The following GPC1 variants were observed in gnomAD, a reference collection of about 807,000 sequenced individuals.
The protein encoded by GPC1 is glypican-1.
GPC1 carries 26 observed loss-of-function variants against 51.5 expected under a neutral mutation model. The observed-to-expected ratio is 0.50, with a 90% CI of 0.37 to 0.70. The LOEUF is 0.70. Ranked by LOEUF, GPC1 falls within the 30% of genes least tolerant of loss-of-function variation. The pLI, the probability that GPC1 is intolerant of heterozygous loss-of-function variation, is 0.00. For missense variants in GPC1, 775 were observed against 800.5 expected, an observed-to-expected ratio of 0.97 and a Z score of 0.38; for synonymous variants, 380 against 348.3, an observed-to-expected ratio of 1.09 and a Z score of -1.01.
Position 240,466,269 on chromosome 2 carries a change from A to C in GPC1, c.1656A>C (p.Val552=). Residue 552 remains valine (V), a synonymous_variant, in exon 9 of 9, where the codon GTA becomes GTC. Coordinates refer to ENST00000264039, the MANE Select transcript of GPC1 (RefSeq NM_002081.3). ...LPLLLFLALT[V]ARPRWR ...TCCTCCTCTTCCTGGCCCTTACAGT[A>C]GCCAGGCCCCGGTGGCGGTAACTGC... The C allele has an allele frequency of 3.1e-6, 5 of 1,602,228 alleles. No homozygotes were observed. The highest frequency in any genetic ancestry group is 4.3e-6 in the Non-Finnish European group (5 of 1,169,976).
chr2:240,466,540 C>T lies in GPC1; in HGVS notation c.*250C>T. ...GCCCAAAAGCCATGTATTTCAGGGA[C>T]CTCAGGGGCACCTCCGGCTGCCTAG... On this transcript the variant is annotated 3_prime_UTR_variant, in exon 9 of 9. Transcript: ENST00000264039. The T allele has an allele frequency of 3.9e-6, 2 of 518,896 alleles. No individual in the cohort carries two copies. The highest frequency in any genetic ancestry group is 6.8e-6 in the Non-Finnish European group (2 of 293,304). 32.1% of individuals were successfully genotyped at this position (518,896 alleles called of 1,614,324 possible).
rs781325624 is a variant in GPC1, at chr2:240,463,361, G to A, written c.732G>A (p.Pro244=). The A allele has an allele frequency of 8.1e-6, 13 of 1,612,592 alleles. No homozygotes were observed. The highest frequency in any genetic ancestry group is 1.7e-5 in the Admixed American group (1 of 59,998). Residue 244 remains proline (P), a synonymous_variant, in exon 4 of 9, where the codon CCG becomes CCA. Transcript: ENST00000264039. ...TTGCTCCCCAGGTCCCCCTGGGCCC[G>A]GAGTGCTCGAGAGCTGTCATGAAGC... ...VRKVAQVPLG[P]ECSRAVMKLV...
chr2:240,457,581 C>A, intron 1 of GPC1: 1 of 424,220 alleles, frequency 2.4e-6, no homozygotes, highest in South Asian at 1.7e-5. Flanking sequence ...AGGGCACTGC[C>A]TGCGCTGCTC....
At chr2:240,441,361 G>A (rs1248371997) in intron 1 of GPC1, among the ~76,000 whole-genome samples, 6 of 150,740 alleles carry the variant, frequency 4.0e-5, no homozygotes, top group Non-Finnish European at 5.9e-5. Flanking sequence ...GGTCAGGTCT[G>A]GCCTGGGGCC....
At chr2:240,456,688 G>A (rs1429257976) in intron 1 of GPC1, 4 of 460,904 alleles carry the variant, frequency 8.7e-6, no homozygotes, top group East Asian at 7.1e-5. Flanking sequence ...TCGGAGAGAC[G>A]CCTCCTGAGT....
chr2:240,440,991 C>A (rs568855169), intron 1 of GPC1, among the ~76,000 whole-genome samples: 25 of 152,400 alleles, frequency 1.6e-4, no homozygotes, highest in African/African-American at 6.0e-4. Context: ...GGGCCAAGTG[C>A]CCCAGGATTA....
In GPC1 at chr2:240,454,543, A is replaced by G. The variant is rs142759800; in HGVS notation, c.167-4487A>G. Among the ~76,000 whole-genome samples, 320 of 152,318 alleles carry G rather than the reference A, an allele frequency of 2.1e-3. 1 individual carries two copies. Among genetic ancestry groups the G allele is most frequent in the African/African-American group, 7.0e-3 (293 of 41,580 alleles). ...GGTGCAGAGCTGAGTAGAGGGCAGG[A>G]GCGGGGAGGCCTAGGCTCTTCCCTT... On this transcript the variant is annotated intron_variant, in intron 1 of 8. Coordinates refer to ENST00000264039, the MANE Select transcript of GPC1 (RefSeq NM_002081.3).
chr2:240,453,002 TG>T, intron 1 of GPC1: 1 of 351,822 alleles, frequency 2.8e-6, no homozygotes, highest in Non-Finnish European at 5.6e-6. Context: ...CCGGAGCCGC[TG>T]GAGCCGCCGC....
At chr2:240,454,685 G>A (rs151070681) in intron 1 of GPC1, among the ~76,000 whole-genome samples, 167 of 152,356 alleles carry the variant, frequency 1.1e-3, no homozygotes, top group Admixed American at 2.0e-3. Context: ...ATTCGAGTCT[G>A]TTGACACTGA....
rs570201868 is a variant in GPC1, at chr2:240,441,630, G to C, written c.166+5546G>C. Among the ~76,000 whole-genome samples, 88 of 152,314 alleles carry C rather than the reference G, an allele frequency of 5.8e-4. 2 individuals carry two copies. Among genetic ancestry groups the C allele is most frequent in the Non-Finnish European group, 5.9e-5 (4 of 68,016 alleles). On this transcript the variant is annotated intron_variant, in intron 1 of 8. Coordinates refer to ENST00000264039, the MANE Select transcript of GPC1 (RefSeq NM_002081.3). The stretch of plus-strand genomic sequence containing the variant: ...CCGGGATCTTGCCCACTTTACGTGG[G>C]GGCTCCAGACAGGAGCCGCCTGCCC...
intron 1 of GPC1, chr2:240,450,134 C>G (rs975743263): frequency 3.5e-5 from 12 of 343,160 alleles, no homozygotes; most frequent in African/African-American, 2.4e-4. Context: ...CGTGCTTTAT[C>G]TGCACTCGTC....
At chr2:240,438,035 G>T (rs1333713455) in intron 1 of GPC1, among the ~76,000 whole-genome samples, 1 of 152,170 alleles carries the variant, frequency 6.6e-6, no homozygotes, top group Non-Finnish European at 1.5e-5. Context: ...CAGGCAGATT[G>T]TGTTGATTTC....
intron 1 of GPC1, among the ~76,000 whole-genome samples, chr2:240,446,860 G>C (rs1012000173): frequency 3.9e-5 from 6 of 152,222 alleles, no homozygotes; most frequent in Admixed American, 1.3e-4. Context: ...GGGGACCAGG[G>C]TGGGCAGCCC....
intron 1 of GPC1, chr2:240,457,853 G>C: frequency 2.9e-6 from 1 of 349,406 alleles, no homozygotes; most frequent in Non-Finnish European, 5.8e-6. Context: ...AACAGGATGA[G>C]ACAGGCCCCT....
At chr2:240,453,674 C>T (rs1173864889) in intron 1 of GPC1, among the ~76,000 whole-genome samples, 2 of 150,978 alleles carry the variant, frequency 1.3e-5, no homozygotes, top group Non-Finnish European at 3.0e-5. Context: ...CCGCCGCGCC[C>T]ACTGCACCAG....
Position 240,450,653 on chromosome 2 carries a change from G to A in GPC1, c.167-8377G>A, listed in dbSNP as rs768390555. On this transcript the variant is annotated intron_variant, in intron 1 of 8. Coordinates refer to ENST00000264039, the MANE Select transcript of GPC1 (RefSeq NM_002081.3). Reference sequence around the variant, plus strand: ...TCAGGGGCGTGCCCCGTCGAGCCCCGTGCTTCCTCTGGGGAGGAGGTGCTG... The same window carrying A: ...TCAGGGGCGTGCCCCGTCGAGCCCCATGCTTCCTCTGGGGAGGAGGTGCTG... The A allele has an allele frequency of 1.0e-4, 47 of 470,622 alleles. 2 individuals carry two copies. Among genetic ancestry groups the A allele is most frequent in the South Asian group, 4.3e-4 (28 of 64,560 alleles). 29.2% of individuals were successfully genotyped at this position (470,622 alleles called of 1,614,324 possible).
intron 1 of GPC1, chr2:240,455,892 C>G (rs1448837287): frequency 3.3e-6 from 1 of 305,126 alleles, no homozygotes; most frequent in Non-Finnish European, 6.4e-6. Flanking sequence ...CTGCCTTTGA[C>G]TGCCGTGCGT....
chr2:240,447,545 AGC>A (rs1197009289), intron 1 of GPC1, among the ~76,000 whole-genome samples: 1 of 152,152 alleles, frequency 6.6e-6, no homozygotes, highest in Non-Finnish European at 1.5e-5. Context: ...CTCTGGGGAA[AGC>A]CACACCCTTG....
chr2:240,447,308 A>G lies in GPC1; in HGVS notation c.166+11224A>G, dbSNP rs189944738. ...CAGAGGCTGTTCTGGGTACCGGGAC[A>G]CAGCAAAGTCCCTGTACTCCCTCCG... is the stretch of plus-strand genomic sequence containing the variant. On this transcript the variant is annotated intron_variant, in intron 1 of 8. Transcript: ENST00000264039. Among the ~76,000 whole-genome samples, 1,177 of 152,324 alleles carry G rather than the reference A, an allele frequency of 7.7e-3. 15 individuals are homozygous for G. Among genetic ancestry groups the G allele is most frequent in the African/African-American group, 0.027 (1,130 of 41,576 alleles).
Sources: gnomAD v4.1 joint callset for allele counts (sites outside exome capture counted in the v4.1 genomes callset) on GRCh38, gnomAD v4.1.1 for gene constraint, MANE v1.5 for transcripts, NCBI Gene and HGNC (gene_info 2026-07-23, HGNC 2026-07-21) for gene names.